IBSP: variants seen among roughly 807,000 people sequenced by gnomAD.
IBSP encodes integrin-binding sialoprotein.
IBSP carries 19 observed loss-of-function variants against 25.5 expected under a neutral mutation model. The observed-to-expected ratio is 0.74, with a 90% confidence interval of 0.52 to 1.09. The LOEUF (loss-of-function observed/expected upper bound fraction) is 1.09, where lower values mean the gene tolerates loss of function less well. IBSP is among the 50% of genes least tolerant of loss of function. The pLI is 0.00. For missense variants in IBSP, 360 were observed against 382.3 expected (o/e 0.94, Z 0.49); for synonymous variants, 144 against 137.6 (o/e 1.05, Z -0.33).
At chr4:87,811,289 T>C (rs1722166282) in intron 6 of IBSP, 73 bp from the exon 7 acceptor site, 1 of 1,500,426 alleles carries the variant, frequency 6.7e-7, no homozygotes, top group Middle Eastern at 2.4e-4. Flanking sequence ...AGTATTGTGT[T>C]GCATGAAATG....
In IBSP at chr4:87,811,371, A is replaced by G; in HGVS notation, c.415A>G (p.Ile139Val). 1 of 1,608,396 alleles carries G rather than the reference A, an allele frequency of 6.2e-7. No individual in the cohort carries two copies. Among genetic ancestry groups the G allele is most frequent in the Non-Finnish European group, 8.5e-7 (1 of 1,178,102 alleles). ...AAACGTTTCCTTACAGGCTGGGGAT[A>G]TAACAAATAAAGCTACAAAAGAGAA... ...AIQLPKKAGD[I>V]TNKATKEKES... Residue 139 changes from isoleucine to valine, a missense_variant, in exon 7 of 7, where the codon ATA becomes GTA. By Grantham distance (29) the Ile-to-Val change is conservative. Transcript: ENST00000226284.
chr4:87,807,519 C>T (rs1722104738), intron 5 of IBSP, among the ~76,000 whole-genome samples: 1 of 152,146 alleles, frequency 6.6e-6, no homozygotes, highest in South Asian at 2.1e-4. Context: ...GCTGGAGTTC[C>T]ACATAGCAAT....
rs755709609 is a variant in IBSP at position 87,802,706 on chromosome 4, C to T, written c.158C>T (p.Pro53Leu). 1.9e-5 allele frequency: 29 copies of T among 1,556,784 alleles called. No homozygotes were observed. Among genetic ancestry groups the T allele is most frequent in the Non-Finnish European group, 2.3e-5 (27 of 1,161,720 alleles). The change falls in exon 4 of 7, where the codon CCT becomes CTT. Residue 53 changes from proline (P) to leucine (L), a missense_variant. By Grantham distance (98) the Pro-to-Leu change is moderately conservative. Transcript: ENST00000226284. ...YYLYKHAYFY[P>L]HLKRFPVQGS... ...CTTTACAAGCATGCCTACTTTTATC[C>T]TCATTTAAAACGATTTCCAGTTCAG...
At chr4:87,806,505 G>A (rs553258166) in intron 5 of IBSP, among the ~76,000 whole-genome samples, 26 of 152,266 alleles carry the variant, frequency 1.7e-4, no homozygotes, top group African/African-American at 6.0e-4. Context: ...GTAACAGATA[G>A]CATTACTTCT....
At chr4:87,799,766 A>G (rs1303095024) in intron 1 of IBSP, 133 bp downstream of exon 1, 1 of 152,334 alleles carries the variant, frequency 6.6e-6, no homozygotes, top group African/African-American at 2.4e-5. Flanking sequence ...ATTTATCATT[A>G]AACTGGCACT....
At chr4:87,799,873 C>G (rs191881517) in intron 1 of IBSP, among the ~76,000 whole-genome samples, 32 of 152,274 alleles carry the variant, frequency 2.1e-4, no homozygotes, top group Admixed American at 1.2e-3. Flanking sequence ...ATGCTTCTTA[C>G]TTTCATTCTC....
chr4:87,808,720 C>T (rs939321961), intron 5 of IBSP, among the ~76,000 whole-genome samples: 6 of 152,114 alleles, frequency 3.9e-5, no homozygotes, highest in Non-Finnish European at 5.9e-5. Flanking sequence ...ACATGATTTA[C>T]TCTTTGTGTG....
chr4:87,808,461 G>A (rs1416581772), intron 5 of IBSP, among the ~76,000 whole-genome samples: 4 of 152,116 alleles, frequency 2.6e-5, no homozygotes, highest in Admixed American at 6.6e-5. Flanking sequence ...GATTACAGGA[G>A]TGAGCCACCG....
rs1722084434 is a variant in IBSP, at chr4:87,806,131, G to C, written c.193G>C (p.Asp65His). Residue 65 changes from aspartate to histidine, a missense_variant, in exon 5 of 7, where the codon GAC becomes CAC. Physicochemically the swap from Asp to His is moderately conservative, Grantham distance 81. Transcript: ENST00000226284. The part of the protein sequence containing the change: ...LKRFPVQGSS[D>H]SSEENGDDSS... ...GTGTATATATTTTTAGGGCAGTAGT[G>C]ACTCATCCGAAGAAAATGGAGATGA... 1.2e-6 allele frequency: 2 copies of C among 1,611,160 alleles called. No homozygotes were observed. Among genetic ancestry groups the C allele is most frequent in the Non-Finnish European group, 1.7e-6 (2 of 1,178,506 alleles).
chr4:87,807,029 A>C (rs4990197), intron 5 of IBSP, among the ~76,000 whole-genome samples: 34,603 of 151,822 alleles, frequency 0.23, 4,434 homozygotes, highest in East Asian at 0.44. Flanking sequence ...AAAACAACAA[A>C]AAAAAATCAT....
At position 87,811,974 on chromosome 4, in the gene IBSP, A is replaced by G; in HGVS notation, c.*64A>G. On this transcript the variant is annotated 3_prime_UTR_variant, in exon 7 of 7. Coordinates refer to ENST00000226284, the MANE Select transcript of IBSP (RefSeq NM_004967.4). ...CATCCGGCTACCATTTTCGAAGTTC[A>G]ACTCAGGAAGGTGCAATATAACAAA... The G allele has an allele frequency of 7.6e-7, 1 of 1,314,656 alleles. No homozygotes were observed. Among genetic ancestry groups the G allele is most frequent in the Non-Finnish European group, 1.0e-6 (1 of 956,428 alleles). The allele number at this position is 1,314,656 out of a possible 1,614,324, so 81.4% of individuals were successfully genotyped here.
rs949378331 is a variant in IBSP, at chr4:87,802,539, A to G, written c.86A>G (p.Glu29Gly). ...MKNLHRRVKI[E>G]DSEENGVFKY... Reference sequence around the variant, plus strand: ...AATTTGCATCGAAGAGTCAAAATAGAGGATTCTGAAGAAAATGGGGTAATT... The same window carrying G: ...AATTTGCATCGAAGAGTCAAAATAGGGGATTCTGAAGAAAATGGGGTAATT... The change falls in exon 3 of 7, where the codon GAG becomes GGG. Residue 29 changes from glutamate to glycine, a missense_variant. Physicochemically the swap from Glu to Gly is moderately conservative, Grantham distance 98. Coordinates refer to ENST00000226284, the MANE Select transcript of IBSP (RefSeq NM_004967.4). 8.7e-6 allele frequency: 14 copies of G among 1,605,802 alleles called. No homozygotes were observed. The highest frequency in any genetic ancestry group is 1.7e-5 in the Admixed American group (1 of 58,450).
Position 87,810,715 on chromosome 4 carries a change from C to A in IBSP, c.356C>A (p.Thr119Lys). ...ACACTGGGCTATGGAGAGGACGCCA[C>A]GCCTGGCACAGGGTATACAGGGTTA... ...ATTLGYGEDA[T>K]PGTGYTGLAA... Residue 119 changes from threonine to lysine, a missense_variant, in exon 6 of 7, where the codon ACG (threonine) becomes AAG (lysine). By Grantham distance (78) the Thr-to-Lys change is moderately conservative. Transcript: ENST00000226284. 1 of 1,613,860 alleles carries A rather than the reference C, an allele frequency of 6.2e-7. No homozygotes were observed. Among genetic ancestry groups the A allele is most frequent in the Non-Finnish European group, 8.5e-7 (1 of 1,179,820 alleles).
rs75328502 is a variant in IBSP at position 87,810,792 on chromosome 4, G to A, written c.405+28G>A. 7.0e-3 allele frequency: 11,091 copies of A among 1,588,768 alleles called. 627 individuals are homozygous for A. In the African/African-American group the frequency reaches 0.13, roughly 19 times the overall value. On this transcript the variant is annotated intron_variant, in intron 6 of 6. Transcript: ENST00000226284. ...AACAATGGAATTATTCCTCCAAAAT[G>A]AAATTATTACCATTAATAATAATGG...
chr4:87,802,583 T>C, intron 3 of IBSP, 25 bp downstream of exon 3: 1 of 1,590,872 alleles, frequency 6.3e-7, no homozygotes, highest in Non-Finnish European at 8.5e-7. Context: ...CATACTTCCT[T>C]GGCCTGATTA....
chr4:87,803,507 T>C (rs1455960429), intron 4 of IBSP, among the ~76,000 whole-genome samples: 1 of 152,190 alleles, frequency 6.6e-6, no homozygotes, highest in Non-Finnish European at 1.5e-5. Context: ...AGGATTGCAC[T>C]ATTTTTAGTA....
chr4:87,805,860 A>C (rs1722081307), intron 4 of IBSP, among the ~76,000 whole-genome samples: 1 of 152,198 alleles, frequency 6.6e-6, no homozygotes. Flanking sequence ...GAAGTTGACA[A>C]ATGGGACATC....
rs923209387 is a variant in IBSP at position 87,808,640 on chromosome 4, G to C, written c.247-1966G>C. On this transcript the variant is annotated intron_variant, in intron 5 of 6. Transcript: ENST00000226284. ...CACTCATTAACAAACCCCTACCAAAGGCAAGCAGTATTTTGACTCTTAATA... is the reference window on the plus strand; with the variant it reads ...CACTCATTAACAAACCCCTACCAAACGCAAGCAGTATTTTGACTCTTAATA... Among the ~76,000 whole-genome samples the C allele has an allele frequency of 3.9e-5, 6 of 152,016 alleles. No individual in the cohort carries two copies. In the East Asian group the frequency reaches 1.2e-3, roughly 29 times the overall value.
intron 1 of IBSP, 50 bp from the exon 2 acceptor site, chr4:87,802,298 A>G (rs1007318557): frequency 1.1e-5 from 13 of 1,139,186 alleles, no homozygotes; most frequent in Non-Finnish European, 1.4e-5. Context: ...TAAAAAAGTT[A>G]TGCTCTTAGT....
Sources: allele counts gnomAD v4.1 joint callset (sites outside exome capture counted in the v4.1 genomes callset), GRCh38; gene constraint gnomAD v4.1.1; transcripts MANE v1.5; gene names NCBI Gene and HGNC (gene_info 2026-07-23, HGNC 2026-07-21).